Variants in TMEM236 observed in about 807,000 individuals in gnomAD.
TMEM236 encodes family with sequence similarity 23, member A.
A neutral mutation model predicts 14.7 loss-of-function variants in TMEM236; 11 were observed. The ratio of observed to expected loss-of-function variants is 0.75; its 90% CI spans 0.47 to 1.24. The LOEUF (loss-of-function observed/expected upper bound fraction) is 1.24, where lower values mean the gene tolerates loss of function less well. TMEM236 is among the 50% of genes most tolerant of loss of function. The pLI, the probability that TMEM236 is intolerant of heterozygous loss-of-function variation, is 0.00. For missense variants in TMEM236, 464 were observed against 427.3 expected (o/e 1.09, Z -0.76); for synonymous variants, 182 against 168.6 (o/e 1.08, Z -0.62).
intron 1 of TMEM236, among the ~76,000 whole-genome samples, chr10:17,760,075 C>A (rs1837337596): frequency 6.7e-6 from 1 of 149,840 alleles, no homozygotes; most frequent in Non-Finnish European, 1.5e-5. Flanking sequence ...CTGAAACACA[C>A]AGCACTAGTG....
At chr10:17,777,881 G>C (rs1837684617) in intron 3 of TMEM236, among the ~76,000 whole-genome samples, 1 of 152,276 alleles carries the variant, frequency 6.6e-6, no homozygotes, top group East Asian at 1.9e-4. Context: ...TGGGATTGCA[G>C]GCATGTGCCA....
chr10:17,752,409 A>C lies in TMEM236; in HGVS notation c.114A>C (p.Thr38=). The change falls in exon 1 of 4, where the codon ACA becomes ACC. Residue 38 remains threonine, a synonymous_variant. Transcript: ENST00000377495. ...TEQFATAYQG[T]RARSDNTHYW... ...AGTTTGCCACCGCCTACCAAGGAAC[A>C]AGGGCTAGATCTGACAACACACACT... 6.2e-7 allele frequency: 1 copy of C among 1,613,960 alleles called. No homozygotes were observed. Among genetic ancestry groups the C allele is most frequent in the South Asian group, 1.1e-5 (1 of 91,072 alleles).
intron 2 of TMEM236, among the ~76,000 whole-genome samples, chr10:17,775,236 T>C (rs1324453143): frequency 6.6e-6 from 1 of 152,206 alleles, no homozygotes; most frequent in East Asian, 1.9e-4. Flanking sequence ...TCATCATTAA[T>C]ACAATGCTTT....
intron 1 of TMEM236, among the ~76,000 whole-genome samples, chr10:17,764,556 T>G (rs370942851): frequency 0.17 from 25,973 of 152,186 alleles, 2,266 homozygotes; most frequent in East Asian, 0.21. Context: ...ACAAACTTGG[T>G]GGCTTAAACA....
chr10:17,799,146 A>G lies in TMEM236; in HGVS notation c.*2642A>G, dbSNP rs1387871575. The G allele has an allele frequency of 5.8e-6, 1 of 172,290 alleles. No homozygotes were observed. Among genetic ancestry groups the G allele is most frequent in the Non-Finnish European group, 1.3e-5 (1 of 79,724 alleles). 10.7% of individuals were successfully genotyped at this position (172,290 alleles called of 1,614,324 possible). A position where few individuals can be genotyped will look rare whatever the true frequency, so the allele number is the denominator to read the frequency against. ...TCCTCTGAGTTCCCATAGAATCTGA[A>G]TTACACCACTTTATTCACACTTACA... On this transcript the variant is annotated 3_prime_UTR_variant, in exon 4 of 4. Coordinates refer to ENST00000377495, the MANE Select transcript of TMEM236 (RefSeq NM_001098844.3).
intron 1 of TMEM236, among the ~76,000 whole-genome samples, chr10:17,770,748 A>G (rs1273287449): frequency 6.6e-6 from 1 of 152,184 alleles, no homozygotes; most frequent in Non-Finnish European, 1.5e-5. Flanking sequence ...TAGCTATTTG[A>G]TTGGTTGATC....
In TMEM236 at chr10:17,800,011, T is replaced by C. The variant is rs1194820022; in HGVS notation, c.*3507T>C. 4 of 152,386 alleles carry C rather than the reference T, an allele frequency of 2.6e-5. No individual in the cohort carries two copies. The highest frequency in any genetic ancestry group is 9.7e-5 in the African/African-American group (4 of 41,398). The allele number at this position is 152,386 out of a possible 1,614,324, so 9.4% of individuals were successfully genotyped here. On this transcript the variant is annotated 3_prime_UTR_variant, in exon 4 of 4. Transcript: ENST00000377495. ...GCAAATTACACTGCGAAAACATTGA[T>C]AGTTCTACACTGTAATTAAATGTTA... is the stretch of plus-strand genomic sequence containing the variant.
At chr10:17,755,321 A>T (rs1408353935) in intron 1 of TMEM236, among the ~76,000 whole-genome samples, 2 of 152,136 alleles carry the variant, frequency 1.3e-5, no homozygotes, top group African/African-American at 4.8e-5. Flanking sequence ...TTGCACATCC[A>T]CGCAAGGGCA....
chr10:17,779,353 A>C (rs1837711027), intron 3 of TMEM236, among the ~76,000 whole-genome samples: 1 of 151,818 alleles, frequency 6.6e-6, no homozygotes, highest in African/African-American at 2.4e-5. Flanking sequence ...TGCTCTGGGC[A>C]ATTTCAGCTT....
intron 3 of TMEM236, among the ~76,000 whole-genome samples, chr10:17,777,462 AT>A (rs1213368268): frequency 6.6e-6 from 1 of 151,084 alleles, no homozygotes; most frequent in African/African-American, 2.4e-5. Context: ...TTTAAATATA[AT>A]TTTTTTTTCA....
Position 17,796,961 on chromosome 10 carries a change from GC to G in TMEM236, c.*458del, listed in dbSNP as rs1838026960. On this transcript the variant is annotated 3_prime_UTR_variant, in exon 4 of 4. Coordinates refer to ENST00000377495, the MANE Select transcript of TMEM236 (RefSeq NM_001098844.3). ...GTGAACTGCGTATGCAAGGGATCTA[GC>G]TTTCGCTCTTTAAGAAAATCTAATA... 2 of 172,354 alleles carry G rather than the reference GC, an allele frequency of 1.2e-5. No individual in the cohort carries two copies. The highest frequency in any genetic ancestry group is 4.8e-5 in the African/African-American group (2 of 41,540). The allele number at this position is 172,354 out of a possible 1,614,324, so 10.7% of individuals were successfully genotyped here. A position where few individuals can be genotyped will look rare whatever the true frequency, so the allele number is the denominator to read the frequency against.
intron 2 of TMEM236, 138 bp from the exon 3 acceptor site, chr10:17,775,891 G>A: frequency 9.5e-7 from 1 of 1,052,782 alleles, no homozygotes; most frequent in Non-Finnish European, 1.4e-6. Context: ...TTTAAAACCT[G>A]ATGAGTTAAA....
At position 17,796,787 on chromosome 10, in the gene TMEM236, T is replaced by A; in HGVS notation, c.*283T>A. 2 of 416,854 alleles carry A rather than the reference T, an allele frequency of 4.8e-6. No homozygotes were observed. Among genetic ancestry groups the A allele is most frequent in the Non-Finnish European group, 8.8e-6 (2 of 226,998 alleles). 25.8% of individuals were successfully genotyped at this position (416,854 alleles called of 1,614,324 possible). On this transcript the variant is annotated 3_prime_UTR_variant, in exon 4 of 4. Coordinates refer to ENST00000377495, the MANE Select transcript of TMEM236 (RefSeq NM_001098844.3). ...TATGTATACTGAGGTCCCCAACCCC[T>A]GGACCATGGTCCCAGTACTGGTCCG...
chr10:17,764,183 C>T (rs1837422479), intron 1 of TMEM236, among the ~76,000 whole-genome samples: 1 of 152,206 alleles, frequency 6.6e-6, no homozygotes, highest in African/African-American at 2.4e-5. Context: ...CTGATCCTTT[C>T]CACCCACCAT....
intron 3 of TMEM236, among the ~76,000 whole-genome samples, chr10:17,783,423 G>A (rs1444548035): frequency 6.6e-6 from 1 of 152,176 alleles, no homozygotes; most frequent in East Asian, 1.9e-4. Flanking sequence ...CTGCAAAGGA[G>A]GCGGTTTCCA....
rs1838010191 is a variant in TMEM236, at chr10:17,796,129, G to T, written c.681G>T (p.Met227Ile). Residue 227 changes from methionine (M) to isoleucine (I), a missense_variant, in exon 4 of 4, where the codon ATG becomes ATT. By Grantham distance (10) the Met-to-Ile change is conservative. Coordinates refer to ENST00000377495, the MANE Select transcript of TMEM236 (RefSeq NM_001098844.3). ...CCTGTGACTCCGGAATCCTGAGAATGATGTCCCGGCGAGATGTCCGGGCAG... is the reference window on the plus strand; with the variant it reads ...CCTGTGACTCCGGAATCCTGAGAATTATGTCCCGGCGAGATGTCCGGGCAG... The part of the protein sequence containing the change: ...EPSCDSGILR[M>I]MSRRDVRAEL... The T allele has an allele frequency of 5.6e-6, 9 of 1,613,942 alleles. No individual in the cohort carries two copies. The highest frequency in any genetic ancestry group is 1.7e-5 in the Admixed American group (1 of 60,004).
intron 3 of TMEM236, among the ~76,000 whole-genome samples, chr10:17,785,870 G>A (rs1314852152): frequency 6.6e-6 from 1 of 152,022 alleles, no homozygotes; most frequent in East Asian, 1.9e-4. Flanking sequence ...ACTAGACTGG[G>A]GTAAGAGAAG....
chr10:17,794,162 G>C (rs1414633819), intron 3 of TMEM236, among the ~76,000 whole-genome samples: 1 of 152,056 alleles, frequency 6.6e-6, no homozygotes, highest in Non-Finnish European at 1.5e-5. Flanking sequence ...ACTTACAGTA[G>C]GTAAGCATTT....
At chr10:17,752,609 C>G in intron 1 of TMEM236, 57 bp downstream of exon 1, 1 of 1,565,356 alleles carries the variant, frequency 6.4e-7, no homozygotes, top group Non-Finnish European at 8.8e-7. Flanking sequence ...CTCTGTCACC[C>G]AGGCTGGAGT....
Sources: gnomAD v4.1 joint callset for allele counts (sites outside exome capture counted in the v4.1 genomes callset) on GRCh38, gnomAD v4.1.1 for gene constraint, MANE v1.5 for transcripts, NCBI Gene and HGNC (gene_info 2026-07-23, HGNC 2026-07-21) for gene names.